ERBB4: variants seen among roughly 807,000 people sequenced by gnomAD.
ERBB4 encodes erb-b2 receptor tyrosine kinase 4, also known as receptor tyrosine-protein kinase erbB-4.
A neutral mutation model predicts 158.0 loss-of-function variants in ERBB4; 42 were observed. The ratio of observed to expected loss-of-function variants is 0.27; its 90% CI spans 0.21 to 0.34. The LOEUF is 0.34. ERBB4 is among the 10% of genes least tolerant of loss of function. ERBB4 has a pLI of 1.00. For synonymous variants in ERBB4, 583 were observed against 558.7 expected (o/e 1.04, Z -0.61); for missense variants, 1,333 against 1,624.1 (o/e 0.82, Z 3.08).
chr2:212,042,503 G>T (rs2077164446), intron 2 of ERBB4, among the ~76,000 whole-genome samples: 1 of 152,018 alleles, frequency 6.6e-6, no homozygotes, highest in Non-Finnish European at 1.5e-5. Context: ...ACTGCTCAAT[G>T]AAAGCAACCA....
chr2:212,140,706 A>G (rs1482172048), intron 1 of ERBB4, among the ~76,000 whole-genome samples: 1 of 151,270 alleles, frequency 6.6e-6, no homozygotes, highest in East Asian at 1.9e-4. Flanking sequence ...AAGAAACTTT[A>G]TTTTAAAATA....
At chr2:212,141,873 T>C (rs1309793129) in intron 1 of ERBB4, among the ~76,000 whole-genome samples, 2 of 152,180 alleles carry the variant, frequency 1.3e-5, no homozygotes, top group African/African-American at 4.8e-5. Context: ...CAATTTTACA[T>C]CTTTTAACCT....
chr2:212,463,471 TG>T (rs1688675960), intron 1 of ERBB4, among the ~76,000 whole-genome samples: 1 of 152,110 alleles, frequency 6.6e-6, no homozygotes, highest in African/African-American at 2.4e-5. Flanking sequence ...TCTATCTCAC[TG>T]GGCCATATAC....
At chr2:212,384,902 TATATATATATATATATATAC>T (rs1008684534) in intron 1 of ERBB4, among the ~76,000 whole-genome samples, 57 of 138,090 alleles carry the variant, frequency 4.1e-4, no homozygotes, top group African/African-American at 1.6e-3. Context: ...TATATATATA[TATATATATATATATATATAC>T]ACACACACAC....
At chr2:212,408,906 G>T (rs1040640556) in intron 1 of ERBB4, among the ~76,000 whole-genome samples, 1 of 152,146 alleles carries the variant, frequency 6.6e-6, no homozygotes, top group Admixed American at 6.6e-5. Context: ...CAAGTGATCA[G>T]CAGCAGCAAT....
At chr2:212,108,700 G>A (rs1575644310) in intron 2 of ERBB4, among the ~76,000 whole-genome samples, 1 of 137,472 alleles carries the variant, frequency 7.3e-6, no homozygotes, top group East Asian at 2.0e-4. Flanking sequence ...GTTAGAAATG[G>A]GTCTGCTTTT....
intron 7 of ERBB4, among the ~76,000 whole-genome samples, chr2:211,718,084 G>C (rs1046047750): frequency 2.5e-4 from 38 of 151,992 alleles, no homozygotes; most frequent in African/African-American, 9.2e-4. Flanking sequence ...GATAATTTTT[G>C]TATTTTTAGT....
chr2:211,406,627 A>G (rs2063153604), intron 25 of ERBB4, among the ~76,000 whole-genome samples: 2 of 152,262 alleles, frequency 1.3e-5, no homozygotes, highest in South Asian at 4.1e-4. Flanking sequence ...ATTTTGGTAA[A>G]CAGTGCAGCC....
intron 1 of ERBB4, among the ~76,000 whole-genome samples, chr2:212,335,360 T>C (rs2088380571): frequency 1.3e-5 from 2 of 151,940 alleles, no homozygotes; most frequent in Admixed American, 1.3e-4. Flanking sequence ...ATTTTACTCA[T>C]GAAAGTAGTA....
At chr2:212,024,821 A>C (rs1158211181) in intron 2 of ERBB4, among the ~76,000 whole-genome samples, 1 of 151,802 alleles carries the variant, frequency 6.6e-6, no homozygotes, top group African/African-American at 2.4e-5. Context: ...CTAGAGAGTA[A>C]AATTATATTG....
rs1312819881 is a variant in ERBB4 at position 211,754,408 on chromosome 2, T to TTTTTTTC, written c.557-3705_557-3704insGAAAAAA. 8.4e-5 allele frequency among the ~76,000 whole-genome samples: 5 copies of TTTTTTTC among 59,354 alleles called. 1 individual carries two copies. Among genetic ancestry groups the TTTTTTTC allele is most frequent in the African/African-American group, 1.4e-4 (2 of 14,146 alleles). The allele number at this position is 59,354 out of a possible 152,430, so 38.9% of individuals were successfully genotyped here. ...TCCCATTGATTATTGCAATAATCCC[T>TTTTTTTC]TTTTTTTTTTTGAGACAGAGTCTCG... On this transcript the variant is annotated intron_variant, in intron 4 of 27. Transcript: ENST00000342788.
chr2:211,639,178 A>G (rs888365463), intron 16 of ERBB4, among the ~76,000 whole-genome samples: 9 of 152,174 alleles, frequency 5.9e-5, no homozygotes, highest in African/African-American at 2.2e-4. Context: ...TAACTTTATT[A>G]TTGTTTATAT....
rs757991157 is a variant in ERBB4 at position 211,679,048 on chromosome 2, T to A, written c.1622+4A>T. The A allele has an allele frequency of 6.2e-7, 1 of 1,602,858 alleles. No individual in the cohort carries two copies. Among genetic ancestry groups the A allele is most frequent in the East Asian group, 2.3e-5 (1 of 43,542 alleles). The stretch of plus-strand genomic sequence containing the variant: ...GGTGAAGGCAACCCTAGAAGAAGCC[T>A]TACCCATCATAGAGGTTACAAGACT... On this transcript the variant is annotated splice_donor_region_variant and intron_variant, in intron 13 of 27. Transcript: ENST00000342788.
chr2:211,700,468 TGTA>T (rs1325495317), intron 12 of ERBB4, among the ~76,000 whole-genome samples: 1 of 152,206 alleles, frequency 6.6e-6, no homozygotes, highest in Non-Finnish European at 1.5e-5. Context: ...AACCTCATGT[TGTA>T]ATAGATCTCC....
intron 25 of ERBB4, among the ~76,000 whole-genome samples, chr2:211,393,601 GGCA>G: frequency 6.6e-6 from 1 of 152,070 alleles, no homozygotes; most frequent in Non-Finnish European, 1.5e-5. Context: ...GACTTAAGGA[GGCA>G]TCTGAAACTC....
At chr2:211,600,891 G>A (rs1003196020) in intron 19 of ERBB4, among the ~76,000 whole-genome samples, 1 of 152,098 alleles carries the variant, frequency 6.6e-6, no homozygotes, top group South Asian at 2.1e-4. Context: ...TGGAAAGAGA[G>A]AAATCTTTTG....
At chr2:212,228,821 CA>C (rs1438826510) in intron 1 of ERBB4, among the ~76,000 whole-genome samples, 1 of 152,136 alleles carries the variant, frequency 6.6e-6, no homozygotes, top group Admixed American at 6.5e-5. Context: ...CCACATGCAC[CA>C]AAGCTTCCAA....
At chr2:211,629,249 A>G (rs1303747570) in intron 17 of ERBB4, among the ~76,000 whole-genome samples, 2 of 152,174 alleles carry the variant, frequency 1.3e-5, no homozygotes, top group African/African-American at 4.8e-5. Context: ...TTATACACCA[A>G]TAACAGACAA....
chr2:211,572,792 G>A (rs938863784), intron 19 of ERBB4, among the ~76,000 whole-genome samples: 1 of 152,148 alleles, frequency 6.6e-6, no homozygotes, highest in Non-Finnish European at 1.5e-5. Context: ...TTCCTACTGG[G>A]ATCCTTCTAA....
Sources: gnomAD v4.1 joint callset for allele counts (sites outside exome capture counted in the v4.1 genomes callset) on GRCh38, gnomAD v4.1.1 for gene constraint, MANE v1.5 for transcripts, NCBI Gene and HGNC (gene_info 2026-07-23, HGNC 2026-07-21) for gene names.